The following CACNA1A variants were observed in gnomAD, a reference collection of about 807,000 sequenced individuals.
The protein encoded by CACNA1A is voltage-dependent P/Q-type calcium channel subunit alpha-1A.
In CACNA1A, 57 loss-of-function variants were observed where a neutral mutation model predicts 262.4. That is an observed-to-expected ratio of 0.22 (90% CI 0.18 to 0.27). CACNA1A has a LOEUF of 0.27. Ranked by LOEUF, CACNA1A falls within the 10% of genes least tolerant of loss-of-function variation. The pLI is 1.00. For synonymous variants in CACNA1A, 1,431 were observed against 1,419.3 expected (o/e 1.01, Z -0.18); for missense variants, 2,526 against 3,562.8 (o/e 0.71, Z 7.41).
intron 3 of CACNA1A, among the ~76,000 whole-genome samples, chr19:13,409,502 T>G (rs143857241): frequency 1.2e-4 from 19 of 152,218 alleles, no homozygotes; most frequent in Non-Finnish European, 7.4e-5. Flanking sequence ...GCACAGCGCC[T>G]GGTACAAAGT....
intron 3 of CACNA1A, among the ~76,000 whole-genome samples, chr19:13,399,394 GAGAAGAAGAAGAAGAAGAAGA>G (rs74375569): frequency 7.0e-6 from 1 of 143,464 alleles, no homozygotes. Flanking sequence ...ATCCAAAAAT[GAGAAGAAGAAGAAGAAGAAGA>G]AGAAGAAGGA....
chr19:13,371,849 T>A (rs1423835026), intron 3 of CACNA1A, 70 bp from the exon 4 acceptor site: 1 of 1,139,516 alleles, frequency 8.8e-7, no homozygotes, highest in African/African-American at 1.5e-5. Context: ...GCGGGGGTGC[T>A]TGGGATTCCA....
chr19:13,411,826 T>C (rs1350297871), intron 3 of CACNA1A, among the ~76,000 whole-genome samples: 2 of 152,054 alleles, frequency 1.3e-5, no homozygotes, highest in Non-Finnish European at 2.9e-5. Flanking sequence ...ATCCTCCTGC[T>C]TCACTGTCCT....
In CACNA1A at chr19:13,349,027, A is replaced by AAG. The variant is rs1555771361; in HGVS notation, c.978+10577_978+10578dup. ...TGTCTCAAAAAAAAAAAAAAAAAAAAAGAGAGACAAAGAGAGAGAGGGAAA... is the reference window on the plus strand; with the variant it reads ...TGTCTCAAAAAAAAAAAAAAAAAAAAAGAGAGAGACAAAGAGAGAGAGGGAAA... On this transcript the variant is annotated intron_variant, in intron 6 of 46. Coordinates refer to ENST00000360228, the MANE Select transcript of CACNA1A (RefSeq NM_001127222.2). 1.5e-4 allele frequency among the ~76,000 whole-genome samples: 20 copies of AAG among 137,820 alleles called. No homozygotes were observed. The South Asian group carries it at 2.7e-3, about 19-fold the overall frequency. The allele number at this position is 137,820 out of a possible 152,430, so 90.4% of individuals were successfully genotyped here. A position where few individuals can be genotyped will look rare whatever the true frequency, so the allele number is the denominator to read the frequency against.
chr19:13,495,583 T>G (rs993685942), intron 1 of CACNA1A, among the ~76,000 whole-genome samples: 5 of 152,172 alleles, frequency 3.3e-5, no homozygotes, highest in Admixed American at 3.3e-4. Flanking sequence ...ATCTTATTGA[T>G]TTTTACAAAA....
chr19:13,208,917 G>GCTTCCGATC lies in CACNA1A; in HGVS notation c.6610_6618dup (p.Asp2204_Lys2206dup). 6.5e-7 allele frequency: 1 copy of GCTTCCGATC among 1,537,178 alleles called. No individual in the cohort carries two copies. Among genetic ancestry groups the GCTTCCGATC allele is most frequent in the Non-Finnish European group, 8.7e-7 (1 of 1,146,862 alleles). ...TGGTGGTGGTGGTGGTGCTGTCGAT[G>GCTTCCGATC]CTTCCGATCCTTGGGCCGGCCCCGC... On this transcript the variant is annotated inframe_insertion, in exon 46 of 47. Coordinates refer to ENST00000360228, the MANE Select transcript of CACNA1A (RefSeq NM_001127222.2).
At chr19:13,505,644 C>T (rs1430536707) in intron 1 of CACNA1A, among the ~76,000 whole-genome samples, 1 of 152,096 alleles carries the variant, frequency 6.6e-6, no homozygotes, top group East Asian at 1.9e-4. Context: ...TGCACGACCC[C>T]AGGCCCCAGA....
intron 1 of CACNA1A, among the ~76,000 whole-genome samples, chr19:13,466,088 A>AAAATGTTCT (rs1274125144): frequency 1.3e-5 from 2 of 152,140 alleles, no homozygotes; most frequent in Non-Finnish European, 2.9e-5. Flanking sequence ...AGCTAGACAG[A>AAAATGTTCT]GGTGGTAGTT....
At chr19:13,483,284 T>C (rs1979577636) in intron 1 of CACNA1A, among the ~76,000 whole-genome samples, 1 of 152,124 alleles carries the variant, frequency 6.6e-6, no homozygotes, top group Non-Finnish European at 1.5e-5. Context: ...ATTATCTGAT[T>C]GGATTTAGGG....
At chr19:13,300,776 T>A in intron 17 of CACNA1A, 120 bp from the exon 18 acceptor site, 1 of 794,942 alleles carries the variant, frequency 1.3e-6, no homozygotes, top group South Asian at 1.4e-5. Flanking sequence ...GAACCAAGGC[T>A]CCCCAATTGG....
intron 3 of CACNA1A, among the ~76,000 whole-genome samples, chr19:13,385,489 A>G (rs772449467): frequency 2.4e-4 from 36 of 151,724 alleles, no homozygotes; most frequent in Admixed American, 5.3e-4. Context: ...CGGCCTCCCA[A>G]AGTGCTGGGA....
intron 1 of CACNA1A, among the ~76,000 whole-genome samples, chr19:13,471,081 C>T (rs1415790310): frequency 2.0e-5 from 3 of 152,138 alleles, no homozygotes; most frequent in Non-Finnish European, 2.9e-5. Flanking sequence ...GTGGCTGCAG[C>T]ACTCCATTCT....
At position 13,207,988 on chromosome 19, in the gene CACNA1A, GC is replaced by G; in HGVS notation, c.6845del (p.Gly2282AlafsTer21). 1 of 1,334,430 alleles carries G rather than the reference GC, an allele frequency of 7.5e-7. No homozygotes were observed. 82.7% of individuals were successfully genotyped at this position (1,334,430 alleles called of 1,614,324 possible). On this transcript the variant is annotated frameshift_variant, in exon 47 of 47. Coordinates refer to ENST00000360228, the MANE Select transcript of CACNA1A (RefSeq NM_001127222.2). LOFTEE classifies it low-confidence loss of function (END_TRUNC). The surrounding 1 kb of genome is among the most constrained non-coding windows in gnomAD (Gnocchi z 5.7). ...AGGGGGTCTGGGGGAGCTGGCGGCG[GC>G]CCCGCCGCGGAGTGCTGGTACCAGA... ...STSGTSTPRRGRRQLPQTPST... is the reference protein window; with the variant it reads ...STSGTSTPRRXRRQLPQTPST...
intron 19 of CACNA1A, among the ~76,000 whole-genome samples, chr19:13,297,085 A>C (rs935431772): frequency 6.6e-6 from 1 of 152,178 alleles, no homozygotes; most frequent in African/African-American, 2.4e-5. Context: ...AAAATGGCCA[A>C]AAATGCTCTA....
At chr19:13,411,632 A>G (rs1568619006) in intron 3 of CACNA1A, among the ~76,000 whole-genome samples, 1 of 152,002 alleles carries the variant, frequency 6.6e-6, no homozygotes, top group Non-Finnish European at 1.5e-5. Flanking sequence ...AGACTAATAC[A>G]CCATGTCAAA....
chr19:13,353,540 G>C (rs1276044327), intron 6 of CACNA1A, among the ~76,000 whole-genome samples: 2 of 152,098 alleles, frequency 1.3e-5, no homozygotes, highest in Non-Finnish European at 2.9e-5. Flanking sequence ...GGACCATACG[G>C]TATTTAACTG....
At chr19:13,419,347 C>G (rs1473825585) in intron 3 of CACNA1A, among the ~76,000 whole-genome samples, 1 of 152,194 alleles carries the variant, frequency 6.6e-6, no homozygotes, top group Non-Finnish European at 1.5e-5. Flanking sequence ...GATGTCCACA[C>G]AATGACAAAA....
At position 13,415,743 on chromosome 19, in the gene CACNA1A, T is replaced by TAA. The variant is rs71170510; in HGVS notation, c.539+37131_539+37132dup. Among the ~76,000 whole-genome samples the TAA allele has an allele frequency of 3.2e-3, 136 of 42,506 alleles. 6 individuals carry two copies. Among genetic ancestry groups the TAA allele is most frequent in the Non-Finnish European group, 4.8e-3 (111 of 23,322 alleles). The allele number at this position is 42,506 out of a possible 152,430, so 27.9% of individuals were successfully genotyped here. ...CAACAGAGCGAGACTCTGTCTCAAT[T>TAA]AAAAAAAAAAAAAAAAAAAAAAAAA... On this transcript the variant is annotated intron_variant, in intron 3 of 46. Transcript: ENST00000360228.
At chr19:13,470,757 C>T (rs1411462591) in intron 1 of CACNA1A, among the ~76,000 whole-genome samples, 1 of 152,176 alleles carries the variant, frequency 6.6e-6, no homozygotes, top group Non-Finnish European at 1.5e-5. Context: ...CGGGAGGCAC[C>T]AGCAAGAGAT....
Sources: allele counts gnomAD v4.1 joint callset (sites outside exome capture counted in the v4.1 genomes callset), GRCh38; gene constraint gnomAD v4.1.1; non-coding constraint Gnocchi (gnomAD v3.1); transcripts MANE v1.5; gene names NCBI Gene and HGNC (gene_info 2026-07-23, HGNC 2026-07-21).